ADCY10: variants seen among roughly 807,000 people sequenced by gnomAD.
ADCY10 encodes adenylate cyclase type 10.
In ADCY10, 156 loss-of-function variants were observed where a neutral mutation model predicts 183.3. That is an observed-to-expected ratio of 0.85 (90% CI 0.75 to 0.97). The LOEUF is 0.97. Ranked by LOEUF, ADCY10 falls within the 50% of genes least tolerant of loss-of-function variation. The pLI is 0.00. For missense variants in ADCY10, 1,745 were observed against 1,934.3 expected (o/e 0.90, Z 1.84); for synonymous variants, 645 against 670.0 (o/e 0.96, Z 0.58).
intron 23 of ADCY10, among the ~76,000 whole-genome samples, 186 bp from the exon 24 acceptor site, chr1:167,834,263 A>G (rs1664021721): frequency 6.6e-6 from 1 of 152,232 alleles, no homozygotes; most frequent in South Asian, 2.1e-4. Context: ...TGATGGGTAA[A>G]GATCTCACCT....
rs1409146190 is a variant in ADCY10, at chr1:167,901,744, C to T, written c.354G>A (p.Val118=). ...GGATCTCCAGGCTACATTTAATTAC[C>T]ACTGTGATAATGTTTTTCAGCTGCT... is the stretch of plus-strand genomic sequence containing the variant. The part of the protein sequence containing the change: ...ERKQLKNIIT[V]VIKCSLEIHG... Residue 118 remains valine, a synonymous_variant, in exon 5 of 33, where the codon GTG becomes GTA. Coordinates refer to ENST00000367851, the MANE Select transcript of ADCY10 (RefSeq NM_018417.6). 1 of 1,614,180 alleles carries T rather than the reference C, an allele frequency of 6.2e-7. No homozygotes were observed. The highest frequency in any genetic ancestry group is 8.5e-7 in the Non-Finnish European group (1 of 1,180,026).
rs3738235 is a variant in ADCY10, at chr1:167,854,267, G to A, written c.2308+86C>T. The A allele has an allele frequency of 0.042, 65,047 of 1,538,888 alleles. 2,944 individuals are homozygous for A. Among genetic ancestry groups the A allele is most frequent in the East Asian group, 0.25 (11,027 of 44,434 alleles). On this transcript the variant is annotated intron_variant, in intron 18 of 32. Coordinates refer to ENST00000367851, the MANE Select transcript of ADCY10 (RefSeq NM_018417.6). Reference sequence around the variant, plus strand: ...CTGACTCTACAGGAAGCAGCCTGTGGAATAGCTCATTTTTGCTACCTTCTC... The same window carrying A: ...CTGACTCTACAGGAAGCAGCCTGTGAAATAGCTCATTTTTGCTACCTTCTC...
chr1:167,817,536 T>C (rs1222921207), intron 31 of ADCY10, among the ~76,000 whole-genome samples: 1 of 152,240 alleles, frequency 6.6e-6, no homozygotes, highest in East Asian at 1.9e-4. Flanking sequence ...TTGTAAACTC[T>C]TGGAGGTGTT....
intron 3 of ADCY10, 58 bp downstream of exon 3, chr1:167,903,829 T>C: frequency 7.8e-7 from 1 of 1,286,504 alleles, no homozygotes; most frequent in Non-Finnish European, 1.1e-6. Context: ...AATTGACAAC[T>C]ACGGAAAAAA....
chr1:167,821,984 T>G (rs748797897), intron 30 of ADCY10, 40 bp downstream of exon 30: 36 of 1,355,602 alleles, frequency 2.7e-5, no homozygotes, highest in African/African-American at 4.3e-5. Context: ...GATTCAACAT[T>G]TTCACTTTGG....
At chr1:167,872,070 G>T (rs992896251) in intron 13 of ADCY10, among the ~76,000 whole-genome samples, 1 of 152,174 alleles carries the variant, frequency 6.6e-6, no homozygotes, top group East Asian at 1.9e-4. Flanking sequence ...GGCTGGGAGC[G>T]GTGGCTCACG....
At chr1:167,842,715 A>T (rs1664746809) in intron 21 of ADCY10, among the ~76,000 whole-genome samples, 3 of 152,148 alleles carry the variant, frequency 2.0e-5, no homozygotes, top group African/African-American at 7.2e-5. Flanking sequence ...TAAACACTTC[A>T]TTGGCTTATC....
At chr1:167,830,697 A>G (rs1252935011) in intron 25 of ADCY10, among the ~76,000 whole-genome samples, 1 of 152,126 alleles carries the variant, frequency 6.6e-6, no homozygotes, top group Non-Finnish European at 1.5e-5. Flanking sequence ...CCTGGCCAAA[A>G]AATGAGCATT....
At chr1:167,822,917 G>GTAA in intron 29 of ADCY10, 91 bp downstream of exon 29, 1 of 1,106,422 alleles carries the variant, frequency 9.0e-7, no homozygotes, top group South Asian at 1.3e-5. Flanking sequence ...GAAACCTAGT[G>GTAA]GTCCCAAAGC....
intron 10 of ADCY10, 109 bp downstream of exon 10, chr1:167,880,382 G>A: frequency 1.0e-6 from 1 of 993,094 alleles, no homozygotes; most frequent in South Asian, 1.3e-5. Context: ...TGAGACACAG[G>A]ACTAAGTTCT....
chr1:167,843,948 C>T (rs1361085494), intron 21 of ADCY10, among the ~76,000 whole-genome samples: 2 of 151,796 alleles, frequency 1.3e-5, no homozygotes, highest in Non-Finnish European at 2.9e-5. Context: ...TGTCTTAGGT[C>T]TGGGCGAAGG....
chr1:167,837,573 A>G (rs564650545), intron 21 of ADCY10, among the ~76,000 whole-genome samples: 1 of 152,342 alleles, frequency 6.6e-6, no homozygotes, highest in East Asian at 1.9e-4. Flanking sequence ...TTCCACAAGA[A>G]AGCAAGTAAT....
chr1:167,885,319 T>C (rs1185247178), intron 8 of ADCY10, among the ~76,000 whole-genome samples: 2 of 152,234 alleles, frequency 1.3e-5, no homozygotes, highest in Admixed American at 1.3e-4. Flanking sequence ...GTAGAATTTC[T>C]AGATTGTATG....
At chr1:167,851,347 C>T (rs1319007827) in intron 18 of ADCY10, among the ~76,000 whole-genome samples, 6 of 151,932 alleles carry the variant, frequency 3.9e-5, no homozygotes, top group East Asian at 1.9e-4. Flanking sequence ...ACACCACACC[C>T]GGCTAATTTT....
At chr1:167,836,579 G>T (rs750036288) in intron 22 of ADCY10, 39 bp from the exon 23 acceptor site, 2 of 1,373,374 alleles carry the variant, frequency 1.5e-6, no homozygotes, top group South Asian at 1.2e-5. Context: ...AACTTATACA[G>T]TATCACTTTT....
intron 31 of ADCY10, 119 bp downstream of exon 31, chr1:167,817,953 T>G: frequency 9.1e-7 from 1 of 1,093,260 alleles, no homozygotes; most frequent in Non-Finnish European, 1.3e-6. Context: ...GGAAGTGCCT[T>G]CAAAAACTTC....
At chr1:167,901,604 C>G (rs867871238) in intron 5 of ADCY10, 58 bp downstream of exon 5, 1 of 1,545,814 alleles carries the variant, frequency 6.5e-7, no homozygotes, top group Middle Eastern at 1.7e-4. Context: ...GAGAGATGCC[C>G]CAGGAGTCAA....
At chr1:167,834,233 T>C (rs1278533675) in intron 23 of ADCY10, among the ~76,000 whole-genome samples, 156 bp from the exon 24 acceptor site, 1 of 152,206 alleles carries the variant, frequency 6.6e-6, no homozygotes, top group Non-Finnish European at 1.5e-5. Context: ...AAAATGGGCT[T>C]CCAAATTCCA....
intron 28 of ADCY10, among the ~76,000 whole-genome samples, chr1:167,824,110 C>G (rs1159748315): frequency 6.6e-6 from 1 of 152,190 alleles, no homozygotes; most frequent in Non-Finnish European, 1.5e-5. Context: ...CACTTGAGGT[C>G]AGGAGTTCAA....
Sources: gnomAD v4.1 joint callset for allele counts (sites outside exome capture counted in the v4.1 genomes callset) on GRCh38, gnomAD v4.1.1 for gene constraint, MANE v1.5 for transcripts, NCBI Gene and HGNC (gene_info 2026-07-23, HGNC 2026-07-21) for gene names.